The following POU1F1 variants were observed in gnomAD, a reference collection of about 807,000 sequenced individuals.
POU1F1 encodes the protein POU class 1 homeobox 1.
Under a neutral mutation model 32.3 loss-of-function variants are expected in POU1F1, and 23 were observed. The observed-to-expected ratio is 0.71, with a 90% CI of 0.51 to 1.01. The LOEUF is 1.01. Among genes scored for constraint, POU1F1 ranks in the 50% least tolerant of loss-of-function variants. The pLI, the probability that POU1F1 is intolerant of heterozygous loss-of-function variation, is 0.00. For synonymous variants in POU1F1, 120 were observed against 115.6 expected (o/e 1.04, Z -0.25); for missense variants, 323 against 341.6 (o/e 0.95, Z 0.43).
chr3:87,275,672 G>C (rs1323072049), intron 1 of POU1F1, among the ~76,000 whole-genome samples: 1 of 152,094 alleles, frequency 6.6e-6, no homozygotes, highest in African/African-American at 2.4e-5. Context: ...GTTCTAAAAA[G>C]TTATGTGAGA....
At chr3:87,271,701 T>C (rs969891673) in intron 2 of POU1F1, among the ~76,000 whole-genome samples, 3 of 152,152 alleles carry the variant, frequency 2.0e-5, no homozygotes, top group African/African-American at 4.8e-5. Context: ...TAGTTCATCA[T>C]TGAGGAGGGC....
intron 2 of POU1F1, 62 bp from the exon 3 acceptor site, chr3:87,264,574 A>T: frequency 1.5e-6 from 2 of 1,367,618 alleles, no homozygotes; most frequent in Non-Finnish European, 2.1e-6. Context: ...ATTTCTATAT[A>T]AGAAAGGGTT....
intron 5 of POU1F1, among the ~76,000 whole-genome samples, chr3:87,260,592 G>A (rs919518357): frequency 6.6e-6 from 1 of 152,094 alleles, no homozygotes; most frequent in Admixed American, 6.6e-5. Context: ...AATGCAAGAG[G>A]TCATGTTGAA....
At chr3:87,276,259 C>A in intron 1 of POU1F1, 62 bp downstream of exon 1, 1 of 1,552,636 alleles carries the variant, frequency 6.4e-7, no homozygotes, top group South Asian at 1.1e-5. Context: ...TATCAAGATT[C>A]AAAGCATTCA....
chr3:87,273,589 T>C, intron 1 of POU1F1, 171 bp from the exon 2 acceptor site: 1 of 1,295,104 alleles, frequency 7.7e-7, no homozygotes, highest in South Asian at 1.5e-5. Context: ...CCAATATGTT[T>C]TTCTCATTTT....
chr3:87,261,448 CA>C (rs1706513788), intron 4 of POU1F1, 115 bp from the exon 5 acceptor site: 2 of 813,354 alleles, frequency 2.5e-6, no homozygotes, highest in Non-Finnish European at 3.8e-6. Context: ...AAATGCTAGA[CA>C]TTTTTGTCTT....
chr3:87,271,470 T>C (rs1706719006), intron 2 of POU1F1, among the ~76,000 whole-genome samples: 1 of 152,168 alleles, frequency 6.6e-6, no homozygotes, highest in Non-Finnish European at 1.5e-5. Context: ...CTCAATCAAC[T>C]GGCAGGGACT....
rs567865872 is a variant in POU1F1, at chr3:87,274,937, G to T, written c.142+1384C>A. Among the ~76,000 whole-genome samples, 9 of 151,706 alleles carry T rather than the reference G, an allele frequency of 5.9e-5. No homozygotes were observed. The South Asian group carries it at 1.9e-3, about 32-fold the overall frequency. ...GTTACTTATTTTAAAGTAAATAAATGGCATTTTGAGTATAAAATTAGATTT... is the reference window on the plus strand; with the variant it reads ...GTTACTTATTTTAAAGTAAATAAATTGCATTTTGAGTATAAAATTAGATTT... On this transcript the variant is annotated intron_variant, in intron 1 of 5. Coordinates refer to ENST00000350375, the MANE Select transcript of POU1F1 (RefSeq NM_000306.4).
intron 1 of POU1F1, among the ~76,000 whole-genome samples, chr3:87,275,068 CCTA>C (rs1706800785): frequency 6.6e-6 from 1 of 151,930 alleles, no homozygotes; most frequent in Non-Finnish European, 1.5e-5. Flanking sequence ...TATAGGATGA[CCTA>C]CTATTTAAAA....
Position 87,276,489 on chromosome 3 carries a change from A to G in POU1F1, c.-27T>C. 1 of 1,612,128 alleles carries G rather than the reference A, an allele frequency of 6.2e-7. No individual in the cohort carries two copies. The highest frequency in any genetic ancestry group is 8.5e-7 in the Non-Finnish European group (1 of 1,178,872). ...CCCACAAGAGAGTAGAAAAATAAGG[A>G]GAACCGCTGCTCCCCAAATCAGAGT... On this transcript the variant is annotated 5_prime_UTR_variant, in exon 1 of 6. Coordinates refer to ENST00000350375, the MANE Select transcript of POU1F1 (RefSeq NM_000306.4).
intron 2 of POU1F1, among the ~76,000 whole-genome samples, chr3:87,265,057 GA>G (rs1462117740): frequency 6.6e-6 from 1 of 151,986 alleles, no homozygotes; most frequent in East Asian, 1.9e-4. Context: ...ATTTTATTAA[GA>G]AATAATCACA....
intron 2 of POU1F1, among the ~76,000 whole-genome samples, chr3:87,268,090 T>C (rs1350865305): frequency 7.0e-6 from 1 of 142,842 alleles, no homozygotes; most frequent in Non-Finnish European, 1.5e-5. Context: ...TTCCCTTTTT[T>C]TTTTTTTTTT....
chr3:87,266,614 C>T (rs73150474), intron 2 of POU1F1, among the ~76,000 whole-genome samples: 4 of 151,604 alleles, frequency 2.6e-5, no homozygotes, highest in South Asian at 2.1e-4. Context: ...GTTAACTATC[C>T]ATTTTATGCT....
chr3:87,275,824 C>T (rs1316603294), intron 1 of POU1F1, among the ~76,000 whole-genome samples: 1 of 151,944 alleles, frequency 6.6e-6, no homozygotes, highest in Admixed American at 6.6e-5. Context: ...AATTAAAACT[C>T]TATTTTATTC....
At chr3:87,274,948 T>C (rs1043048592) in intron 1 of POU1F1, among the ~76,000 whole-genome samples, 22 of 152,064 alleles carry the variant, frequency 1.4e-4, no homozygotes, top group African/African-American at 5.3e-4. Context: ...GCATTTTGAG[T>C]ATAAAATTAG....
In POU1F1 at chr3:87,263,997, A is replaced by G. The variant is rs9837195; in HGVS notation, c.439+291T>C. Among the ~76,000 whole-genome samples, 65,000 of 151,624 alleles carry G rather than the reference A, an allele frequency of 0.43. 14,122 individuals are homozygous for G. Among genetic ancestry groups the G allele is most frequent in the South Asian group, 0.58 (2,807 of 4,810 alleles). ...TTGTACTTTTGAATCATATAAATGT[A>G]TGGCCTATTCAAAATTTCAAATAAA... On this transcript the variant is annotated intron_variant, in intron 3 of 5. Transcript: ENST00000350375.
chr3:87,274,741 A>AT (rs1433799699), intron 1 of POU1F1, among the ~76,000 whole-genome samples: 1 of 151,648 alleles, frequency 6.6e-6, no homozygotes, highest in Non-Finnish European at 1.5e-5. Flanking sequence ...AATTAGATGT[A>AT]TATGATTCAA....
chr3:87,269,735 T>A (rs898585567), intron 2 of POU1F1, among the ~76,000 whole-genome samples: 8 of 152,134 alleles, frequency 5.3e-5, no homozygotes, highest in African/African-American at 1.9e-4. Context: ...TGGATGCTCA[T>A]CATCTTGTTT....
chr3:87,273,107 A>G (rs1706757591), intron 2 of POU1F1, among the ~76,000 whole-genome samples: 1 of 152,174 alleles, frequency 6.6e-6, no homozygotes, highest in Non-Finnish European at 1.5e-5. Context: ...TAAAAACCAT[A>G]CAAAGCAAAC....
Sources: gnomAD v4.1 joint callset for allele counts (sites outside exome capture counted in the v4.1 genomes callset) on GRCh38, gnomAD v4.1.1 for gene constraint, MANE v1.5 for transcripts, NCBI Gene and HGNC (gene_info 2026-07-23, HGNC 2026-07-21) for gene names.